The following PREX2 variants were observed in gnomAD, a reference collection of about 807,000 sequenced individuals.
PREX2 encodes the protein phosphatidylinositol 3,4,5-trisphosphate-dependent Rac exchanger 2 protein.
In PREX2, 107 loss-of-function variants were observed where a neutral mutation model predicts 203.2. The observed-to-expected ratio is 0.53, with a 90% CI of 0.45 to 0.62. The LOEUF (loss-of-function observed/expected upper bound fraction) is 0.62, where lower values mean the gene tolerates loss of function less well. PREX2 is among the 20% of genes least tolerant of loss of function. The pLI is 0.00. For synonymous variants in PREX2, 672 were observed against 663.6 expected (o/e 1.01, Z -0.19); for missense variants, 1,777 against 1,955.9 (o/e 0.91, Z 1.72).
intron 11 of PREX2, among the ~76,000 whole-genome samples, chr8:68,061,333 G>A (rs1808844855): frequency 6.6e-6 from 1 of 152,220 alleles, no homozygotes; most frequent in Non-Finnish European, 1.5e-5. Context: ...GTCTCCTGCT[G>A]TGGCATGTGG....
chr8:68,009,827 G>A (rs1445206583), intron 1 of PREX2, among the ~76,000 whole-genome samples: 3 of 152,138 alleles, frequency 2.0e-5, no homozygotes, highest in Non-Finnish European at 2.9e-5. Context: ...GTAAAGAGTT[G>A]GTAGCACCTA....
chr8:68,181,709 C>G (rs924681718), intron 35 of PREX2, among the ~76,000 whole-genome samples: 1 of 152,024 alleles, frequency 6.6e-6, no homozygotes, highest in African/African-American at 2.4e-5. Flanking sequence ...TGAAATCTTA[C>G]TTGAAAGAAG....
In PREX2 at chr8:68,022,680, C is replaced by T. The variant is rs529782230; in HGVS notation, c.441+540C>T. 7.2e-5 allele frequency among the ~76,000 whole-genome samples: 11 copies of T among 152,150 alleles called. No homozygotes were observed. The East Asian group carries it at 1.5e-3, about 21-fold the overall frequency. On this transcript the variant is annotated intron_variant, in intron 4 of 39. Transcript: ENST00000288368. ...TAGTGAGGAGCAGATTATAATTGTG[C>T]GATTCAGTGATATTTAGCAGAGTGT...
chr8:67,979,530 CT>C (rs989435916), intron 1 of PREX2, among the ~76,000 whole-genome samples: 2 of 152,090 alleles, frequency 1.3e-5, no homozygotes, highest in Non-Finnish European at 2.9e-5. Context: ...ACGCCAGACT[CT>C]TTTTTTCTCT....
intron 35 of PREX2, among the ~76,000 whole-genome samples, chr8:68,166,796 GTC>G (rs1473991397): frequency 6.6e-6 from 1 of 151,948 alleles, no homozygotes; most frequent in Non-Finnish European, 1.5e-5. Flanking sequence ...GAGAGACCCT[GTC>G]TCTACATTTT....
Position 68,210,927 on chromosome 8 carries a change from A to G in PREX2, c.4605-6689A>G, listed in dbSNP as rs192279379. ...ATATCTTAAAAAGTGAACTAAATAT[A>G]GTGTAATGAACCTAAGTTAGAAATG... On this transcript the variant is annotated intron_variant, in intron 37 of 39. Coordinates refer to ENST00000288368, the MANE Select transcript of PREX2 (RefSeq NM_024870.4). 2.9e-3 allele frequency among the ~76,000 whole-genome samples: 443 copies of G among 152,328 alleles called. 2 individuals carry two copies. The highest frequency in any genetic ancestry group is 9.8e-3 in the African/African-American group (407 of 41,588).
chr8:68,092,800 C>T (rs559060220), intron 20 of PREX2, among the ~76,000 whole-genome samples: 1 of 151,820 alleles, frequency 6.6e-6, no homozygotes, highest in African/African-American at 2.4e-5. Context: ...GACAAGTGTC[C>T]CTCTCACAAT....
chr8:68,194,999 A>G (rs746580141), intron 37 of PREX2, among the ~76,000 whole-genome samples: 1 of 152,170 alleles, frequency 6.6e-6, no homozygotes, highest in Non-Finnish European at 1.5e-5. Context: ...CTGGTACAAG[A>G]TCATAGTTAT....
At chr8:68,056,488 T>C (rs1808683555) in intron 10 of PREX2, among the ~76,000 whole-genome samples, 1 of 152,062 alleles carries the variant, frequency 6.6e-6, no homozygotes, top group South Asian at 2.1e-4. Flanking sequence ...AGAGGTCACT[T>C]TGGTTTTTGG....
chr8:68,136,455 G>T (rs1434909991), intron 32 of PREX2, among the ~76,000 whole-genome samples: 2 of 152,184 alleles, frequency 1.3e-5, no homozygotes, highest in Non-Finnish European at 2.9e-5. Flanking sequence ...TGGTCTGTGT[G>T]CCCCTGAGTG....
At chr8:67,998,580 A>C (rs1326930637) in intron 1 of PREX2, among the ~76,000 whole-genome samples, 2 of 152,200 alleles carry the variant, frequency 1.3e-5, no homozygotes, top group African/African-American at 4.8e-5. Flanking sequence ...CAGCCTGAGC[A>C]ACATAGTGAG....
At chr8:68,095,581 G>A (rs200006573) in intron 21 of PREX2, among the ~76,000 whole-genome samples, 8 of 137,912 alleles carry the variant, frequency 5.8e-5, no homozygotes, top group African/African-American at 1.7e-4. Context: ...GTGTGTGTGT[G>A]TATATGTGTG....
chr8:68,017,353 A>G (rs1457389503), intron 1 of PREX2, among the ~76,000 whole-genome samples: 1 of 152,202 alleles, frequency 6.6e-6, no homozygotes, highest in Admixed American at 6.5e-5. Context: ...TTCCTGGGAC[A>G]TAGTGGCAGG....
intron 32 of PREX2, among the ~76,000 whole-genome samples, chr8:68,136,249 T>A (rs1255736462): frequency 6.7e-6 from 1 of 150,078 alleles, no homozygotes; most frequent in Non-Finnish European, 1.5e-5. Flanking sequence ...TATATCTCAA[T>A]GAAGCGGTGT....
At chr8:67,982,895 C>T (rs538641862) in intron 1 of PREX2, among the ~76,000 whole-genome samples, 58 of 152,340 alleles carry the variant, frequency 3.8e-4, no homozygotes, top group Middle Eastern at 3.4e-3. Flanking sequence ...CTGACCCTCT[C>T]CAATAGACCT....
intron 39 of PREX2, among the ~76,000 whole-genome samples, chr8:68,229,404 G>A (rs1187148524): frequency 6.6e-6 from 1 of 152,206 alleles, no homozygotes; most frequent in Non-Finnish European, 1.5e-5. Context: ...AGTGCAGGAT[G>A]AGAGTCCAAC....
At chr8:68,144,395 T>A (rs1200007582) in intron 33 of PREX2, among the ~76,000 whole-genome samples, 1 of 152,182 alleles carries the variant, frequency 6.6e-6, no homozygotes, top group Non-Finnish European at 1.5e-5. Context: ...CTTATATAGA[T>A]CTTGTAATAT....
chr8:68,039,210 G>A (rs1434766), intron 7 of PREX2, among the ~76,000 whole-genome samples: 86,968 of 151,886 alleles, frequency 0.57, 26,366 homozygotes, highest in African/African-American at 0.78. Flanking sequence ...GGCATGAGCA[G>A]CATTCAACAA....
At chr8:68,186,704 G>A (rs1219658271) in intron 35 of PREX2, among the ~76,000 whole-genome samples, 1 of 152,046 alleles carries the variant, frequency 6.6e-6, no homozygotes, top group Non-Finnish European at 1.5e-5. Flanking sequence ...AGTAGAGACA[G>A]GGTTTCACCA....
Sources: allele counts gnomAD v4.1 joint callset (sites outside exome capture counted in the v4.1 genomes callset), GRCh38; gene constraint gnomAD v4.1.1; transcripts MANE v1.5; gene names NCBI Gene and HGNC (gene_info 2026-07-23, HGNC 2026-07-21).